Variants in HUS1 observed in about 807,000 individuals in gnomAD.
The protein encoded by HUS1 is HUS1 checkpoint clamp component.
A neutral mutation model predicts 32.6 loss-of-function variants in HUS1; 31 were observed. That is an observed-to-expected ratio of 0.95 (90% confidence interval 0.72 to 1.28). The LOEUF (loss-of-function observed/expected upper bound fraction) is 1.28, where lower values mean the gene tolerates loss of function less well. Ranked by LOEUF, HUS1 falls within the 50% of genes most tolerant of loss-of-function variation. The pLI, the probability that HUS1 is intolerant of heterozygous loss-of-function variation, is 0.00. For synonymous variants in HUS1, 123 were observed against 116.6 expected, an observed-to-expected ratio of 1.06 and a Z score of -0.36; for missense variants, 340 against 337.7, an observed-to-expected ratio of 1.01 and a Z score of -0.05.
At chr7:47,976,381 T>C (rs555259919) in intron 4 of HUS1, 1 of 462,954 alleles carries the variant, frequency 2.2e-6, no homozygotes, top group South Asian at 1.5e-5. Flanking sequence ...TTCGTGCACA[T>C]CCAGATATCG....
rs775461508 is a variant in HUS1 at position 47,978,403 on chromosome 7, ACT to A, written c.357+12_357+13del. On this transcript the variant is annotated intron_variant, in intron 3 of 7. Coordinates refer to ENST00000258774, the MANE Select transcript of HUS1 (RefSeq NM_004507.4). The stretch of plus-strand genomic sequence containing the variant: ...CAAGACTTCTGTGTTAGAAACCCTG[ACT>A]CTCCTACTCACCAGCTCCACGGAGA... 99 of 1,604,672 alleles carry A rather than the reference ACT, an allele frequency of 6.2e-5. No individual in the cohort carries two copies. Among genetic ancestry groups the A allele is most frequent in the Non-Finnish European group, 8.1e-5 (95 of 1,172,554 alleles).
At chr7:47,967,467 A>G (rs987990631) in intron 7 of HUS1, among the ~76,000 whole-genome samples, 1 of 152,342 alleles carries the variant, frequency 6.6e-6, no homozygotes, top group East Asian at 1.9e-4. Context: ...TTAGATGACC[A>G]TGGAGAAGGT....
intron 3 of HUS1, among the ~76,000 whole-genome samples, chr7:47,977,826 G>A (rs1316506021): frequency 6.6e-6 from 1 of 152,142 alleles, no homozygotes; most frequent in Non-Finnish European, 1.5e-5. Context: ...CCCGGGAGAT[G>A]GAGGTTGCAG....
rs1788754553 is a variant in HUS1, at chr7:47,978,466, A to AT, written c.307dup (p.Ile103AsnfsTer5). 6.2e-7 allele frequency: 1 copy of AT among 1,614,084 alleles called. No individual in the cohort carries two copies. Among genetic ancestry groups the AT allele is most frequent in the Admixed American group, 1.7e-5 (1 of 59,998 alleles). On this transcript the variant is annotated frameshift_variant, in exon 3 of 8. Transcript: ENST00000258774. LOFTEE classifies it high-confidence loss of function. ...GGGAAAGTGTTTATTAGTCAGTTTG[A>AT]TTTTCAAAGCCCTGGCATTCTGGGC...
chr7:47,978,955 ACTTTAATAC>A, intron 1 of HUS1, 139 bp from the exon 2 acceptor site: 1 of 787,058 alleles, frequency 1.3e-6, no homozygotes, highest in Non-Finnish European at 2.0e-6. Flanking sequence ...ACTGGAAAGT[ACTTTAATAC>A]CCCTGATGTC....
At position 47,979,528 on chromosome 7, in the gene HUS1, A is replaced by G; in HGVS notation, c.-9T>C. On this transcript the variant is annotated 5_prime_UTR_variant, in exon 1 of 8. Coordinates refer to ENST00000258774, the MANE Select transcript of HUS1 (RefSeq NM_004507.4). ...TTGGCCCGAAACTTCATGGCCGCGG[A>G]TGGCGCAGCCGCGGCGGGCCTCTGT... 1 of 1,602,246 alleles carries G rather than the reference A, an allele frequency of 6.2e-7. No individual in the cohort carries two copies. Among genetic ancestry groups the G allele is most frequent in the Non-Finnish European group, 8.5e-7 (1 of 1,174,462 alleles).
At position 47,975,612 on chromosome 7, in the gene HUS1, C is replaced by T; in HGVS notation, c.540+1G>A. The T allele has an allele frequency of 6.3e-7, 1 of 1,592,874 alleles. No individual in the cohort carries two copies. The highest frequency in any genetic ancestry group is 8.6e-7 in the Non-Finnish European group (1 of 1,161,178). The stretch of plus-strand genomic sequence containing the variant: ...TCTTTTCTAAAGAAGTTGTGACTTA[C>T]AAGGTGATTGCTGATGTTTTTCATT... On this transcript the variant is annotated splice_donor_variant, in intron 5 of 7. Coordinates refer to ENST00000258774, the MANE Select transcript of HUS1 (RefSeq NM_004507.4). LOFTEE classifies it high-confidence loss of function.
chr7:47,967,774 A>G (rs1317880290), intron 7 of HUS1, 32 bp downstream of exon 7: 2 of 1,599,768 alleles, frequency 1.3e-6, no homozygotes, highest in Non-Finnish European at 1.7e-6. Context: ...ATATGAAAGA[A>G]TATGAAAAAC....
chr7:47,978,888 G>T lies in HUS1; in HGVS notation c.53-72C>A. 6.1e-6 allele frequency: 9 copies of T among 1,482,778 alleles called. No homozygotes were observed. The Admixed American group carries it at 1.4e-4, about 24-fold the overall frequency. 91.9% of individuals were successfully genotyped at this position (1,482,778 alleles called of 1,614,324 possible). A position where few individuals can be genotyped will look rare whatever the true frequency, so the allele number is the denominator to read the frequency against. On this transcript the variant is annotated intron_variant, in intron 1 of 7. Transcript: ENST00000258774. ...ATCCTAGAGACCAACTTATTTTGCAGAATTTCTTGTTCATCAACTTCTCGG... is the reference window on the plus strand; with the variant it reads ...ATCCTAGAGACCAACTTATTTTGCATAATTTCTTGTTCATCAACTTCTCGG...
Position 47,978,684 on chromosome 7 carries a change from C to T in HUS1, c.180+5G>A, listed in dbSNP as rs1050371638. ...TGTGCAGGCCTCTCAGAAGCTTTTG[C>T]TCACCTGTTCCAGCTCACACCACAT... On this transcript the variant is annotated splice_donor_5th_base_variant and intron_variant, in intron 2 of 7. Transcript: ENST00000258774. The T allele has an allele frequency of 1.9e-6, 3 of 1,614,026 alleles. No individual in the cohort carries two copies. The highest frequency in any genetic ancestry group is 1.3e-5 in the African/African-American group (1 of 75,040).
chr7:47,966,520 C>G (rs1043148599), intron 7 of HUS1, among the ~76,000 whole-genome samples: 2 of 152,132 alleles, frequency 1.3e-5, no homozygotes, highest in African/African-American at 4.8e-5. Context: ...CCCCCCACAC[C>G]CTGTGTTTCC....
At chr7:47,968,863 G>T (rs768067547) in intron 6 of HUS1, 6 of 188,668 alleles carry the variant, frequency 3.2e-5, no homozygotes, top group Non-Finnish European at 5.3e-5. Flanking sequence ...AAGAACAAAT[G>T]TATCTACCTT....
chr7:47,978,818 T>C lies in HUS1; in HGVS notation c.53-2A>G. 6.2e-7 allele frequency: 1 copy of C among 1,613,584 alleles called. No individual in the cohort carries two copies. The highest frequency in any genetic ancestry group is 1.3e-5 in the African/African-American group (1 of 74,992). On this transcript the variant is annotated splice_acceptor_variant, in intron 1 of 7. Coordinates refer to ENST00000258774, the MANE Select transcript of HUS1 (RefSeq NM_004507.4). LOFTEE classifies it high-confidence loss of function. ...GCTTGGCTATCATGTTACTGATTCCTAAAGCAGGGGTTAAAATAAGGAATT... is the reference window on the plus strand; with the variant it reads ...GCTTGGCTATCATGTTACTGATTCCCAAAGCAGGGGTTAAAATAAGGAATT...
chr7:47,975,296 C>T (rs530825431), intron 5 of HUS1, among the ~76,000 whole-genome samples: 140 of 134,812 alleles, frequency 1.0e-3, no homozygotes, highest in African/African-American at 3.9e-3. Flanking sequence ...CCAGCCTGGG[C>T]GACAGAGTGA....
chr7:47,968,666 T>C (rs776138960), intron 6 of HUS1, among the ~76,000 whole-genome samples: 6 of 152,246 alleles, frequency 3.9e-5, no homozygotes, highest in Admixed American at 6.5e-5. Context: ...TTTCCAGCCA[T>C]GATTCTAACC....
intron 1 of HUS1, 23 bp from the exon 2 acceptor site, chr7:47,978,839 GA>G (rs1788766255): frequency 6.2e-7 from 1 of 1,610,384 alleles, no homozygotes; most frequent in African/African-American, 1.3e-5. Flanking sequence ...TTAAAATAAG[GA>G]ATTACTAAAA....
chr7:47,979,569 G>C lies in HUS1; in HGVS notation c.-50C>G, dbSNP rs1247079209. ...GGGCCTCTGTGGGTAACAGAAAAGC[G>C]TCGCGCCCTGAGTGTCCCCGCCCGG... On this transcript the variant is annotated 5_prime_UTR_variant, in exon 1 of 8. Transcript: ENST00000258774. 2.7e-6 allele frequency: 4 copies of C among 1,469,474 alleles called. No individual in the cohort carries two copies. Among genetic ancestry groups the C allele is most frequent in the African/African-American group, 2.8e-5 (2 of 72,226 alleles). 91.0% of individuals were successfully genotyped at this position (1,469,474 alleles called of 1,614,324 possible).
rs748508349 is a variant in HUS1, at chr7:47,969,224, G to A, written c.635C>T (p.Pro212Leu). Residue 212 changes from proline to leucine, a missense_variant, in exon 6 of 8, where the codon CCA (proline) becomes CTA (leucine). Transcript: ENST00000258774. ...TAACCCACTAGAAAACTTACCTAAT[G>A]GAGGATTTCCAAGATCTTTAAAATG... is the stretch of plus-strand genomic sequence containing the variant. ...TTHFKDLGNPPLASESTHEDR... is the reference protein window; with the variant it reads ...TTHFKDLGNPLLASESTHEDR... 2 of 1,520,822 alleles carry A rather than the reference G, an allele frequency of 1.3e-6. No individual in the cohort carries two copies. Among genetic ancestry groups the A allele is most frequent in the Non-Finnish European group, 1.8e-6 (2 of 1,108,086 alleles). 94.2% of individuals were successfully genotyped at this position (1,520,822 alleles called of 1,614,324 possible).
intron 3 of HUS1, among the ~76,000 whole-genome samples, chr7:47,977,177 GGA>G (rs1161968432): frequency 3.9e-5 from 6 of 152,160 alleles, no homozygotes; most frequent in Admixed American, 3.9e-4. Flanking sequence ...TGAGTGTGGG[GGA>G]GTTTCCTTAG....
Sources: gnomAD v4.1 joint callset for allele counts (sites outside exome capture counted in the v4.1 genomes callset) on GRCh38, gnomAD v4.1.1 for gene constraint, MANE v1.5 for transcripts, NCBI Gene and HGNC (gene_info 2026-07-23, HGNC 2026-07-21) for gene names.